The following TLL1 variants were observed in gnomAD, a reference collection of about 807,000 sequenced individuals.
TLL1 encodes the protein tolloid like 1.
Under a neutral mutation model 128.2 loss-of-function variants are expected in TLL1, and 49 were observed. That is an observed-to-expected ratio of 0.38 (90% CI 0.30 to 0.48). The LOEUF is 0.48. Among genes scored for constraint, TLL1 ranks in the 20% least tolerant of loss-of-function variants. The pLI is 0.96. For synonymous variants in TLL1, 454 were observed against 418.8 expected (o/e 1.08, Z -1.03); for missense variants, 1,123 against 1,242.0 (o/e 0.90, Z 1.44).
At chr4:166,014,952 T>C (rs184073527) in intron 8 of TLL1, among the ~76,000 whole-genome samples, 2 of 152,100 alleles carry the variant, frequency 1.3e-5, no homozygotes, top group East Asian at 3.9e-4. Flanking sequence ...CTGGATGATA[T>C]TTTTTTGCAA....
At chr4:165,947,870 A>G (rs10008286) in intron 1 of TLL1, among the ~76,000 whole-genome samples, 2,093 of 152,260 alleles carry the variant, frequency 0.014, 51 homozygotes, top group African/African-American at 0.047. Context: ...AGAATTGTAT[A>G]CCAGTAGAAC....
In TLL1 at chr4:166,065,797, A is replaced by G; in HGVS notation, c.2122A>G (p.Met708Val). ...AGTGATCACATCCCAGTTCAACAAT[A>G]TGAGAATTGAATTCAAATCTGACAA... ...PEVITSQFNN[M>V]RIEFKSDNTV... The change falls in exon 16 of 21, where the codon ATG becomes GTG. Residue 708 changes from methionine (M) to valine (V), a missense_variant. Coordinates refer to ENST00000061240, the MANE Select transcript of TLL1 (RefSeq NM_012464.5). 2 of 1,613,086 alleles carry G rather than the reference A, an allele frequency of 1.2e-6. No homozygotes were observed. The highest frequency in any genetic ancestry group is 1.7e-5 in the Admixed American group (1 of 59,892).
At chr4:166,044,517 A>G in intron 12 of TLL1, 2 of 1,136,442 alleles carry the variant, frequency 1.8e-6, no homozygotes, top group Non-Finnish European at 2.5e-6. Context: ...TTGTTACCAA[A>G]AAAATATATA....
intron 9 of TLL1, among the ~76,000 whole-genome samples, chr4:166,031,888 T>G (rs1738787262): frequency 6.6e-6 from 1 of 152,096 alleles, no homozygotes. Flanking sequence ...ATTTCTTGAG[T>G]GCCTACACTA....
At chr4:165,958,162 A>T (rs1256256031) in intron 1 of TLL1, among the ~76,000 whole-genome samples, 1 of 140,334 alleles carries the variant, frequency 7.1e-6, no homozygotes, top group African/African-American at 2.8e-5. Flanking sequence ...ATAGTGCCAC[A>T]ATAAACATAC....
chr4:165,915,485 C>CT (rs34330277), intron 1 of TLL1, among the ~76,000 whole-genome samples: 1 of 152,064 alleles, frequency 6.6e-6, no homozygotes, highest in East Asian at 1.9e-4. Flanking sequence ...AGGAAGCTGG[C>CT]TTTTTTGAAG....
At chr4:165,972,138 A>G (rs1579564928) in intron 1 of TLL1, among the ~76,000 whole-genome samples, 2 of 152,138 alleles carry the variant, frequency 1.3e-5, no homozygotes, top group Admixed American at 1.3e-4. Context: ...AATCATACTT[A>G]TATATTTTAT....
Position 165,938,432 on chromosome 4 carries a change from TG to T in TLL1, c.170-50947del, listed in dbSNP as rs1437967939. 3.3e-5 allele frequency among the ~76,000 whole-genome samples: 5 copies of T among 152,158 alleles called. No homozygotes were observed. In the South Asian group the frequency reaches 8.3e-4, roughly 25 times the overall value. Reference sequence around the variant, plus strand: ...GTGAACCATTTTTATCTAGACAGTCTGGTGCTTCCGCCTGAGGAATTTTCTT... The same window carrying T: ...GTGAACCATTTTTATCTAGACAGTCTGTGCTTCCGCCTGAGGAATTTTCTT... On this transcript the variant is annotated intron_variant, in intron 1 of 20. Transcript: ENST00000061240.
intron 1 of TLL1, among the ~76,000 whole-genome samples, chr4:165,934,026 T>G (rs924854942): frequency 6.6e-6 from 1 of 152,068 alleles, no homozygotes; most frequent in Non-Finnish European, 1.5e-5. Flanking sequence ...GAGATGGAGT[T>G]TTGCTCTTAT....
intron 9 of TLL1, among the ~76,000 whole-genome samples, chr4:166,037,266 C>T (rs553558595): frequency 4.7e-4 from 72 of 152,068 alleles, no homozygotes; most frequent in Admixed American, 3.1e-3. Flanking sequence ...TCTAATGTTG[C>T]GTTGGTATTT....
chr4:166,039,412 A>G lies in TLL1; in HGVS notation c.1232A>G (p.Asp411Gly). The G allele has an allele frequency of 6.2e-7, 1 of 1,613,144 alleles. No individual in the cohort carries two copies. The highest frequency in any genetic ancestry group is 1.1e-5 in the South Asian group (1 of 91,058). ...LCWYDYIEVRDGYWRKSPLLG... is the reference protein window; with the variant it reads ...LCWYDYIEVRGGYWRKSPLLG... ...TGGTATGACTATATTGAAGTAAGAG[A>G]CGGGTACTGGAGAAAATCACCTCTC... Residue 411 changes from aspartate (D) to glycine (G), a missense_variant, in exon 10 of 21, where the codon GAC (aspartate) becomes GGC (glycine). By Grantham distance (94) the Asp-to-Gly change is moderately conservative (BLOSUM62 -1). This residue lies in a region of TLL1 where 480 missense variants were observed against 542.4 expected (regional missense o/e 0.89). Coordinates refer to ENST00000061240, the MANE Select transcript of TLL1 (RefSeq NM_012464.5).
Position 166,014,772 on chromosome 4 carries a change from A to T in TLL1, c.1042+212A>T, listed in dbSNP as rs77815883. 4.3e-3 allele frequency among the ~76,000 whole-genome samples: 651 copies of T among 152,162 alleles called. 2 individuals carry two copies. The highest frequency in any genetic ancestry group is 0.015 in the African/African-American group (611 of 41,538). ...AAACAAGTTGTTGAAATCAAAGTTC[A>T]AACACAGGGATAGTATATTTTATTT... On this transcript the variant is annotated intron_variant, in intron 8 of 20. Coordinates refer to ENST00000061240, the MANE Select transcript of TLL1 (RefSeq NM_012464.5).
intron 18 of TLL1, among the ~76,000 whole-genome samples, chr4:166,084,320 C>G (rs1299835492): frequency 6.6e-6 from 1 of 152,018 alleles, no homozygotes; most frequent in Admixed American, 6.6e-5. Context: ...AATATTTTCT[C>G]CTATTCTGTA....
At chr4:166,079,930 G>C (rs1393962649) in intron 18 of TLL1, among the ~76,000 whole-genome samples, 1 of 152,104 alleles carries the variant, frequency 6.6e-6, no homozygotes, top group South Asian at 2.1e-4. Context: ...ATCTACTGAT[G>C]AATTTGTCAA....
intron 1 of TLL1, among the ~76,000 whole-genome samples, chr4:165,979,209 CT>C (rs1292694130): frequency 6.6e-6 from 1 of 152,024 alleles, no homozygotes; most frequent in African/African-American, 2.4e-5. Context: ...CTAGACAAGT[CT>C]TGTGCAATAC....
intron 12 of TLL1, among the ~76,000 whole-genome samples, chr4:166,054,345 A>G (rs943835394): frequency 3.9e-5 from 6 of 152,196 alleles, no homozygotes; most frequent in African/African-American, 1.4e-4. Flanking sequence ...AAATAGTGCT[A>G]CATTTGTTCA....
At chr4:166,097,075 C>T (rs1049959826) in intron 19 of TLL1, among the ~76,000 whole-genome samples, 9 of 152,090 alleles carry the variant, frequency 5.9e-5, no homozygotes, top group Non-Finnish European at 1.2e-4. Context: ...AACCTAAGCA[C>T]TCTTCATCTG....
chr4:165,968,564 G>T (rs1735496641), intron 1 of TLL1, among the ~76,000 whole-genome samples: 1 of 151,994 alleles, frequency 6.6e-6, no homozygotes, highest in Admixed American at 6.6e-5. Flanking sequence ...GACTATTTTT[G>T]CCAAAATAGT....
rs12646219 is a variant in TLL1, at chr4:166,068,021, G to C, written c.2188+2158G>C. On this transcript the variant is annotated intron_variant, in intron 16 of 20. Transcript: ENST00000061240. ...AGATATAATTTTCCCTTCTTTATTA[G>C]ATTATTGTTTTGTAAAGTCCAAGAC... Among the ~76,000 whole-genome samples the C allele has an allele frequency of 5.9e-4, 90 of 151,722 alleles. No individual in the cohort carries two copies. In the East Asian group the frequency reaches 0.012, roughly 21 times the overall value.
Sources: allele counts gnomAD v4.1 joint callset (sites outside exome capture counted in the v4.1 genomes callset), GRCh38; gene constraint gnomAD v4.1.1; regional missense constraint gnomAD v4.1.1; transcripts MANE v1.5; gene names NCBI Gene and HGNC (gene_info 2026-07-23, HGNC 2026-07-21).